Variants in ALMS1 observed in about 807,000 individuals in gnomAD.
The protein encoded by ALMS1 is ALMS1 centrosome and basal body associated protein, also known as centrosome-associated protein ALMS1.
A neutral mutation model predicts 352.2 loss-of-function variants in ALMS1; 271 were observed. The ratio of observed to expected loss-of-function variants is 0.77; its 90% CI spans 0.70 to 0.85. The LOEUF (loss-of-function observed/expected upper bound fraction) is 0.85. Ranked by LOEUF, ALMS1 falls within the 40% of genes least tolerant of loss-of-function variation. The probability of loss-of-function intolerance (pLI) is 0.00; values close to 1 mark genes in which losing one functional copy is unlikely to be tolerated. For synonymous variants in ALMS1, 1,865 were observed against 1,761.2 expected (o/e 1.06, Z -1.48); for missense variants, 5,445 against 4,870.7 (o/e 1.12, Z -3.51).
Position 73,452,346 on chromosome 2 carries a change from A to C in ALMS1, c.5819A>C (p.Tyr1940Ser). Reference protein sequence around the residue: ...KTEIPTVPLSYYSRREKPSVI... With the variant: ...KTEIPTVPLSSYSRREKPSVI... ...GAGATACCAACAGTACCTTTAAGTTACTACTCACGTAGAGAGAAGCCCAGT... is the reference window on the plus strand; with the variant it reads ...GAGATACCAACAGTACCTTTAAGTTCCTACTCACGTAGAGAGAAGCCCAGT... Residue 1940 changes from tyrosine to serine, a missense_variant, in exon 8 of 23, where the codon TAC becomes TCC. Transcript: ENST00000613296. 6.2e-7 allele frequency: 1 copy of C among 1,613,906 alleles called. No individual in the cohort carries two copies. The highest frequency in any genetic ancestry group is 8.5e-7 in the Non-Finnish European group (1 of 1,179,944).
chr2:73,467,607 G>A (rs1055916495), intron 9 of ALMS1, among the ~76,000 whole-genome samples: 5 of 151,944 alleles, frequency 3.3e-5, no homozygotes, highest in Admixed American at 2.6e-4. Context: ...TTTTAGGTAC[G>A]TACTCAAGAA....
Position 73,600,679 on chromosome 2 carries a change from T to A in ALMS1, c.11670T>A (p.Gly3890=). The change falls in exon 18 of 23, where the codon GGT becomes GGA. Residue 3890 remains glycine, a splice_region_variant and synonymous_variant. Coordinates refer to ENST00000613296, the MANE Select transcript of ALMS1 (RefSeq NM_001378454.1). ...VHMLNKGIQA[G]NLEIVNGAKK... ...GACACCTATGATCCTTCCCCTCAGG[T>A]AACTTGGAGATTGTGAACGGTGCCA... is the stretch of plus-strand genomic sequence containing the variant. The A allele has an allele frequency of 4.3e-6, 7 of 1,612,400 alleles. No individual in the cohort carries two copies. Among genetic ancestry groups the A allele is most frequent in the Non-Finnish European group, 5.9e-6 (7 of 1,179,132 alleles).
At chr2:73,419,551 G>A (rs1278368273) in intron 3 of ALMS1, among the ~76,000 whole-genome samples, 3 of 152,104 alleles carry the variant, frequency 2.0e-5, no homozygotes, top group Non-Finnish European at 2.9e-5. Context: ...CTCACAGAAG[G>A]CAGAAAGGTG....
chr2:73,589,343 A>G (rs1291256636), intron 16 of ALMS1, among the ~76,000 whole-genome samples: 1 of 152,198 alleles, frequency 6.6e-6, no homozygotes, highest in East Asian at 1.9e-4. Flanking sequence ...AGTATAGTGA[A>G]ATAATAGGAT....
rs756153603 is a variant in ALMS1 at position 73,449,336 on chromosome 2, G to C, written c.2809G>C (p.Val937Leu). The change falls in exon 8 of 23, where the codon GTT (valine) becomes CTT (leucine). Residue 937 changes from valine (V) to leucine (L), a missense_variant. Transcript: ENST00000613296. The stretch of plus-strand genomic sequence containing the variant: ...TGAAGAAGCTCTGAAGGTTTCAGCT[G>C]TTTCTGTATTGGCTGCCCAGAAGAC... ...FPEEALKVSA[V>L]SVLAAQKTGT... 1 of 1,614,084 alleles carries C rather than the reference G, an allele frequency of 6.2e-7. No homozygotes were observed. The highest frequency in any genetic ancestry group is 1.1e-5 in the South Asian group (1 of 91,076).
At chr2:73,525,539 A>C (rs749843970) in intron 11 of ALMS1, among the ~76,000 whole-genome samples, 9 of 152,252 alleles carry the variant, frequency 5.9e-5, no homozygotes, top group Non-Finnish European at 8.8e-5. Flanking sequence ...GATGTTGAGC[A>C]CCTTTTCATA....
chr2:73,499,181 G>A (rs1673169972), intron 10 of ALMS1, among the ~76,000 whole-genome samples: 2 of 151,942 alleles, frequency 1.3e-5, no homozygotes, highest in African/African-American at 4.8e-5. Flanking sequence ...TTTAGTTTTA[G>A]TGTTTTGATT....
At chr2:73,404,849 T>A (rs1049051392) in intron 1 of ALMS1, among the ~76,000 whole-genome samples, 22 of 150,858 alleles carry the variant, frequency 1.5e-4, no homozygotes, top group Admixed American at 9.9e-4. Flanking sequence ...GTGTTAATTC[T>A]TCTTTAAATG....
At chr2:73,562,289 T>C (rs941958753) in intron 15 of ALMS1, among the ~76,000 whole-genome samples, 3 of 152,222 alleles carry the variant, frequency 2.0e-5, no homozygotes, top group African/African-American at 7.2e-5. Context: ...CCTCAGCCTG[T>C]AGAGTAGCTG....
chr2:73,401,861 TCTA>T (rs1260911962), intron 1 of ALMS1, among the ~76,000 whole-genome samples: 1 of 152,196 alleles, frequency 6.6e-6, no homozygotes, highest in East Asian at 1.9e-4. Flanking sequence ...GTTCCTCACT[TCTA>T]CTTCTTTGTA....
At position 73,572,836 on chromosome 2, in the gene ALMS1, T is replaced by C; in HGVS notation, c.10959T>C (p.Asp3653=). 1 of 1,613,934 alleles carries C rather than the reference T, an allele frequency of 6.2e-7. No homozygotes were observed. The highest frequency in any genetic ancestry group is 8.5e-7 in the Non-Finnish European group (1 of 1,179,992). Residue 3653 remains aspartate, a synonymous_variant, in exon 16 of 23, where the codon GAT becomes GAC. Coordinates refer to ENST00000613296, the MANE Select transcript of ALMS1 (RefSeq NM_001378454.1). ...SLQVSESTHD[D]SRGERSVKEW... ...AGGTCTCAGAAAGTACACATGATGA[T>C]AGCAGAGGGGAACGAAGTGTGAAGG...
At chr2:73,506,556 AT>A (rs1373734350) in intron 10 of ALMS1, among the ~76,000 whole-genome samples, 2 of 152,142 alleles carry the variant, frequency 1.3e-5, no homozygotes, top group Non-Finnish European at 2.9e-5. Flanking sequence ...GCAATTGTGA[AT>A]GGGAGTTTGC....
chr2:73,453,984 T>C lies in ALMS1; in HGVS notation c.7457T>C (p.Leu2486Pro), dbSNP rs1221335432. 1 of 1,613,574 alleles carries C rather than the reference T, an allele frequency of 6.2e-7. No individual in the cohort carries two copies. Among genetic ancestry groups the C allele is most frequent in the Admixed American group, 1.7e-5 (1 of 59,928 alleles). The change falls in exon 8 of 23, where the codon CTT becomes CCT. Residue 2486 changes from leucine to proline, a missense_variant. Physicochemically the swap from Leu to Pro is moderately conservative, Grantham distance 98. Coordinates refer to ENST00000613296, the MANE Select transcript of ALMS1 (RefSeq NM_001378454.1). Reference sequence around the variant, plus strand: ...TCACTGGCTGCACATGTGAAAAACCTTCTGCAATGTGAATCCTCACTGAAT... The same window carrying C: ...TCACTGGCTGCACATGTGAAAAACCCTCTGCAATGTGAATCCTCACTGAAT... ...VDSLAAHVKN[L>P]LQCESSLNHA...
rs768656942 is a variant in ALMS1, at chr2:73,490,693, G to A, written c.8734G>A (p.Asp2912Asn). 1.2e-6 allele frequency: 2 copies of A among 1,614,128 alleles called. No homozygotes were observed. The highest frequency in any genetic ancestry group is 2.2e-5 in the South Asian group (2 of 91,072). Residue 2912 changes from aspartate (D) to asparagine (N), a missense_variant, in exon 10 of 23, where the codon GAT becomes AAT. Transcript: ENST00000613296. ...KHHSPSPQHQ[D>N]YVAPDLPSCI... ...CCATTCTCCCTCTCCTCAACATCAGGATTATGTAGCTCCAGACCTTCCTTC... is the reference window on the plus strand; with the variant it reads ...CCATTCTCCCTCTCCTCAACATCAGAATTATGTAGCTCCAGACCTTCCTTC...
chr2:73,501,112 G>A (rs1035186381), intron 10 of ALMS1, among the ~76,000 whole-genome samples: 5 of 152,022 alleles, frequency 3.3e-5, no homozygotes, highest in African/African-American at 1.2e-4. Context: ...CATCTTTTCT[G>A]TGTCTCTTGC....
At chr2:73,499,528 A>G (rs906334801) in intron 10 of ALMS1, among the ~76,000 whole-genome samples, 1 of 152,084 alleles carries the variant, frequency 6.6e-6, no homozygotes, top group Non-Finnish European at 1.5e-5. Context: ...TGATTTTTGT[A>G]TATGGCGAAA....
chr2:73,407,354 A>T (rs1397944295), intron 1 of ALMS1, among the ~76,000 whole-genome samples: 1 of 152,144 alleles, frequency 6.6e-6, no homozygotes, highest in African/African-American at 2.4e-5. Flanking sequence ...GAAAGGTTCT[A>T]CCTCTCAGTA....
chr2:73,468,182 AT>A (rs895568194), intron 9 of ALMS1, among the ~76,000 whole-genome samples: 3 of 152,056 alleles, frequency 2.0e-5, no homozygotes, highest in Admixed American at 1.3e-4. Context: ...CAAAAACTTT[AT>A]AAAAAGCATC....
rs72911350 is a variant in ALMS1 at position 73,553,168 on chromosome 2, A to G, written c.10078+2731A>G. ...CAAAAAGAAAACATACATTCCATAT[A>G]AAGAAATGGAAATGAGACTGGCATC... is the stretch of plus-strand genomic sequence containing the variant. On this transcript the variant is annotated intron_variant, in intron 13 of 22. Transcript: ENST00000613296. 4.0e-3 allele frequency among the ~76,000 whole-genome samples: 606 copies of G among 152,342 alleles called. 5 individuals carry two copies. The highest frequency in any genetic ancestry group is 0.012 in the African/African-American group (503 of 41,578).
Sources: allele counts gnomAD v4.1 joint callset (sites outside exome capture counted in the v4.1 genomes callset), GRCh38; gene constraint gnomAD v4.1.1; transcripts MANE v1.5; gene names NCBI Gene and HGNC (gene_info 2026-07-23, HGNC 2026-07-21).